Variants in ZFYVE9 observed in about 807,000 individuals in gnomAD.
ZFYVE9 encodes zinc finger FYVE-type containing 9, also known as zinc finger FYVE domain-containing protein 9.
Under a neutral mutation model 126.7 loss-of-function variants are expected in ZFYVE9, and 43 were observed. The ratio of observed to expected loss-of-function variants is 0.34; its 90% CI spans 0.27 to 0.44. The LOEUF is 0.44. ZFYVE9 is among the 20% of genes least tolerant of loss of function. ZFYVE9 has a pLI of 1.00. For missense variants in ZFYVE9, 1,476 were observed against 1,697.0 expected, an observed-to-expected ratio of 0.87 and a Z score of 2.29; for synonymous variants, 521 against 597.4, an observed-to-expected ratio of 0.87 and a Z score of 1.87.
chr1:52,339,407 G>C (rs140282741), intron 16 of ZFYVE9, among the ~76,000 whole-genome samples: 90 of 152,008 alleles, frequency 5.9e-4, no homozygotes, highest in East Asian at 5.6e-3. Context: ...TCATGCCTCA[G>C]CCTGCCCAGT....
intron 2 of ZFYVE9, among the ~76,000 whole-genome samples, chr1:52,227,795 T>G (rs916596839): frequency 5.9e-5 from 9 of 152,324 alleles, no homozygotes; most frequent in African/African-American, 2.2e-4. Context: ...TTGCTGAGTC[T>G]TGGGACCATG....
At chr1:52,219,749 T>TGTGTGTGTGTGTGTGTGTG (rs1431955734) in intron 2 of ZFYVE9, among the ~76,000 whole-genome samples, 4 of 113,274 alleles carry the variant, frequency 3.5e-5, no homozygotes, top group African/African-American at 1.4e-4. Context: ...CCAAGATCTT[T>TGTGTGTGTGTGTGTGTGTG]TGTGTGTGTG....
At chr1:52,343,425 AAT>A (rs948616388) in intron 17 of ZFYVE9, among the ~76,000 whole-genome samples, 1 of 149,990 alleles carries the variant, frequency 6.7e-6, no homozygotes, top group African/African-American at 2.5e-5. Context: ...CAGCCTGGGC[AAT>A]AGAGCGAGAC....
At chr1:52,283,956 TAAA>T (rs1478692707) in intron 10 of ZFYVE9, among the ~76,000 whole-genome samples, 2 of 152,182 alleles carry the variant, frequency 1.3e-5, no homozygotes, top group South Asian at 2.1e-4. Flanking sequence ...GCAGTGGAAA[TAAA>T]GAAGAGTATT....
chr1:52,144,151 C>G (rs1006199548), intron 1 of ZFYVE9, among the ~76,000 whole-genome samples: 2 of 152,096 alleles, frequency 1.3e-5, no homozygotes, highest in Non-Finnish European at 2.9e-5. Context: ...GAAACCCCGT[C>G]TCTACTAAAA....
At chr1:52,176,989 G>A (rs964687774) in intron 1 of ZFYVE9, among the ~76,000 whole-genome samples, 5 of 152,066 alleles carry the variant, frequency 3.3e-5, no homozygotes, top group East Asian at 3.9e-4. Flanking sequence ...TGCACAGTGC[G>A]CTGCACCCAC....
rs1217029127 is a variant in ZFYVE9 at position 52,168,209 on chromosome 1, GTCT to G, written c.-143+25811_-143+25813del. Among the ~76,000 whole-genome samples the G allele has an allele frequency of 7.8e-4, 111 of 142,266 alleles. 2 individuals carry two copies. The highest frequency in any genetic ancestry group is 1.2e-3 in the East Asian group (6 of 4,942). 93.3% of individuals were successfully genotyped at this position (142,266 alleles called of 152,430 possible). ...ATTCCTCCTCCTCTTCCTCCTCTTC[GTCT>G]TCTTTTTTTTTTTTTTTTTTTTTTG... On this transcript the variant is annotated intron_variant, in intron 1 of 18. Transcript: ENST00000287727.
chr1:52,202,486 G>A (rs138203698), intron 1 of ZFYVE9, among the ~76,000 whole-genome samples: 5,419 of 151,620 alleles, frequency 0.036, 271 homozygotes, highest in African/African-American at 0.11. Flanking sequence ...TCACTATGTT[G>A]GCCAGTCTGG....
In ZFYVE9 at chr1:52,185,353, A is replaced by T. The variant is rs566243209; in HGVS notation, c.-142-31016A>T. Among the ~76,000 whole-genome samples, 4 of 152,340 alleles carry T rather than the reference A, an allele frequency of 2.6e-5. No homozygotes were observed. In the East Asian group the frequency reaches 5.8e-4, roughly 22 times the overall value. On this transcript the variant is annotated intron_variant, in intron 1 of 18. Coordinates refer to ENST00000287727, the MANE Select transcript of ZFYVE9 (RefSeq NM_004799.4). ...TTCTAATGCCACACCATGCTAAAAG[A>T]TTGTAAATTCCCATGGAAAGACTTA...
In ZFYVE9 at chr1:52,270,511, T is replaced by G. The variant is rs144563629; in HGVS notation, c.2625+1879T>G. 9.7e-3 allele frequency among the ~76,000 whole-genome samples: 1,479 copies of G among 152,210 alleles called. 65 individuals are homozygous for G. The East Asian group carries it at 0.12, about 13-fold the overall frequency. The stretch of plus-strand genomic sequence containing the variant: ...GATCTCCTGACCTCCTGATCTGCCC[T>G]CCTTGGCCTCCCAAAGTGCTGGGAT... On this transcript the variant is annotated intron_variant, in intron 7 of 18. Coordinates refer to ENST00000287727, the MANE Select transcript of ZFYVE9 (RefSeq NM_004799.4).
intron 1 of ZFYVE9, among the ~76,000 whole-genome samples, chr1:52,206,522 T>G (rs951115414): frequency 1.3e-5 from 2 of 151,844 alleles, no homozygotes; most frequent in Admixed American, 1.3e-4. Context: ...GAGATAGAGG[T>G]TTCTGTTTTG....
In ZFYVE9 at chr1:52,259,482, A is replaced by G. The variant is rs542460011; in HGVS notation, c.2179-4291A>G. 2.0e-5 allele frequency among the ~76,000 whole-genome samples: 3 copies of G among 152,182 alleles called. No homozygotes were observed. In the South Asian group the frequency reaches 6.2e-4, roughly 32 times the overall value. On this transcript the variant is annotated intron_variant, in intron 4 of 18. Coordinates refer to ENST00000287727, the MANE Select transcript of ZFYVE9 (RefSeq NM_004799.4). Reference sequence around the variant, plus strand: ...CCCAATACAACATTTAAAAAATTATATAAAGTAAAAGGAGAGAAAAGATAG... The same window carrying G: ...CCCAATACAACATTTAAAAAATTATGTAAAGTAAAAGGAGAGAAAAGATAG...
At chr1:52,344,414 T>C (rs1169326422) in intron 17 of ZFYVE9, among the ~76,000 whole-genome samples, 1 of 152,226 alleles carries the variant, frequency 6.6e-6, no homozygotes, top group Non-Finnish European at 1.5e-5. Context: ...TTAAGATCAT[T>C]TTCTAGGTAA....
intron 13 of ZFYVE9, among the ~76,000 whole-genome samples, chr1:52,327,456 G>A (rs778080336): frequency 6.6e-6 from 1 of 151,774 alleles, no homozygotes; most frequent in African/African-American, 2.4e-5. Flanking sequence ...ACAAAAATTA[G>A]TGGGGCGTGG....
At chr1:52,345,557 T>C (rs1646475765) in intron 18 of ZFYVE9, among the ~76,000 whole-genome samples, 2 of 152,226 alleles carry the variant, frequency 1.3e-5, no homozygotes, top group Non-Finnish European at 2.9e-5. Context: ...CTATCTCACA[T>C]AAAACAAAGA....
chr1:52,268,199 A>G, intron 6 of ZFYVE9, among the ~76,000 whole-genome samples: 1 of 152,346 alleles, frequency 6.6e-6, no homozygotes, highest in East Asian at 1.9e-4. Context: ...ATAATCATAG[A>G]TGTATTTAAG....
intron 1 of ZFYVE9, among the ~76,000 whole-genome samples, chr1:52,167,633 C>T (rs934180894): frequency 6.6e-6 from 1 of 152,174 alleles, no homozygotes; most frequent in African/African-American, 2.4e-5. Flanking sequence ...AGGACACCCA[C>T]TTCTCAGAAA....
At chr1:52,226,921 C>T (rs942577607) in intron 2 of ZFYVE9, among the ~76,000 whole-genome samples, 19 of 152,212 alleles carry the variant, frequency 1.2e-4, no homozygotes, top group African/African-American at 4.3e-4. Flanking sequence ...AGAAGGGTAA[C>T]TTTGAATAGA....
chr1:52,157,206 A>G (rs1004966059), intron 1 of ZFYVE9, among the ~76,000 whole-genome samples: 1 of 151,876 alleles, frequency 6.6e-6, no homozygotes, highest in African/African-American at 2.4e-5. Flanking sequence ...ATAATTTTAC[A>G]TATATATATG....
Sources: gnomAD v4.1 joint callset for allele counts (sites outside exome capture counted in the v4.1 genomes callset) on GRCh38, gnomAD v4.1.1 for gene constraint, MANE v1.5 for transcripts, NCBI Gene and HGNC (gene_info 2026-07-23, HGNC 2026-07-21) for gene names.